The following SPATA13 variants were observed in gnomAD, a reference collection of about 807,000 sequenced individuals.
SPATA13 encodes spermatogenesis associated 13.
A neutral mutation model predicts 104.0 loss-of-function variants in SPATA13; 50 were observed. That is an observed-to-expected ratio of 0.48 (90% CI 0.38 to 0.61). The LOEUF (loss-of-function observed/expected upper bound fraction) is 0.61. Among genes scored for constraint, SPATA13 ranks in the 20% least tolerant of loss-of-function variants. The pLI is 0.00. For synonymous variants in SPATA13, 606 were observed against 667.5 expected, an observed-to-expected ratio of 0.91 and a Z score of 1.42; for missense variants, 1,524 against 1,690.6, an observed-to-expected ratio of 0.90 and a Z score of 1.73.
intron 1 of SPATA13, among the ~76,000 whole-genome samples, chr13:24,204,151 C>G (rs1035624815): frequency 6.6e-6 from 1 of 152,286 alleles, no homozygotes; most frequent in Non-Finnish European, 1.5e-5. Flanking sequence ...CATGTACTCA[C>G]AGCCAGAGGC....
intron 3 of SPATA13, among the ~76,000 whole-genome samples, chr13:24,071,613 G>A (rs954009713): frequency 4.6e-5 from 7 of 152,206 alleles, no homozygotes; most frequent in African/African-American, 7.2e-5. Flanking sequence ...GTAGTATGGA[G>A]CTTGTTCCTT....
At chr13:24,012,144 G>A (rs1354230310) in intron 2 of SPATA13, among the ~76,000 whole-genome samples, 1 of 152,226 alleles carries the variant, frequency 6.6e-6, no homozygotes, top group Admixed American at 6.5e-5. Context: ...TGTGTAACCA[G>A]CCTATGATGA....
chr13:24,167,658 C>A (rs1242907013), intron 1 of SPATA13, among the ~76,000 whole-genome samples: 2 of 152,180 alleles, frequency 1.3e-5, no homozygotes, highest in African/African-American at 4.8e-5. Context: ...CAGTTGTACC[C>A]AAGTGCCAGT....
Position 24,223,178 on chromosome 13 carries a change from G to C in SPATA13, c.249G>C (p.Thr83=). The change falls in exon 2 of 13, where the codon ACG becomes ACC. Residue 83 remains threonine, a synonymous_variant. Coordinates refer to ENST00000382108, the MANE Select transcript of SPATA13 (RefSeq NM_001166271.3). The part of the protein sequence containing the change: ...VRLFSTSRKR[T]GAHPERPHSM... ...TCTTTTCCACCAGTCGGAAGAGGAC[G>C]GGTGCCCACCCCGAGCGGCCCCACT... 6.4e-7 allele frequency: 1 copy of C among 1,551,678 alleles called. No homozygotes were observed. The highest frequency in any genetic ancestry group is 1.2e-5 in the South Asian group (1 of 84,062).
intron 1 of SPATA13, among the ~76,000 whole-genome samples, chr13:24,208,849 A>G (rs1870857337): frequency 6.6e-6 from 1 of 152,226 alleles, no homozygotes; most frequent in Non-Finnish European, 1.5e-5. Context: ...TTTGAAGTCA[A>G]GTGAGAGTCT....
intron 3 of SPATA13, among the ~76,000 whole-genome samples, chr13:24,031,979 T>C (rs1474030144): frequency 6.6e-6 from 1 of 152,234 alleles, no homozygotes; most frequent in African/African-American, 2.4e-5. Flanking sequence ...AATGATTCTT[T>C]TGCTTGGCCA....
intron 2 of SPATA13, among the ~76,000 whole-genome samples, chr13:24,231,421 A>G (rs1470631090): frequency 6.6e-6 from 1 of 152,202 alleles, no homozygotes; most frequent in Non-Finnish European, 1.5e-5. Context: ...TCCATAGAGC[A>G]TGATCAGTGC....
At chr13:24,093,384 T>C (rs1879970365) in intron 3 of SPATA13, among the ~76,000 whole-genome samples, 1 of 152,220 alleles carries the variant, frequency 6.6e-6, no homozygotes, top group Admixed American at 6.5e-5. Context: ...TATCACCATT[T>C]GCCATTTTTA....
intron 3 of SPATA13, among the ~76,000 whole-genome samples, chr13:24,113,566 T>A (rs992323107): frequency 6.6e-6 from 1 of 151,774 alleles, no homozygotes; most frequent in Non-Finnish European, 1.5e-5. Context: ...GCATATTATC[T>A]TTTTAAATGA....
intron 3 of SPATA13, among the ~76,000 whole-genome samples, chr13:24,120,537 A>G (rs1386044961): frequency 6.6e-6 from 1 of 152,132 alleles, no homozygotes; most frequent in Non-Finnish European, 1.5e-5. Flanking sequence ...CTCTGGCTAC[A>G]CCACTCACTA....
At chr13:24,122,059 G>A in intron 3 of SPATA13, 1 of 1,567,652 alleles carries the variant, frequency 6.4e-7, no homozygotes, top group Non-Finnish European at 8.8e-7. Flanking sequence ...GAAAGAAAGA[G>A]ATAACTCAAT....
Position 24,254,681 on chromosome 13 carries a change from A to G in SPATA13, c.2164+2819A>G, listed in dbSNP as rs563955797. On this transcript the variant is annotated intron_variant, in intron 4 of 12. Coordinates refer to ENST00000382108, the MANE Select transcript of SPATA13 (RefSeq NM_001166271.3). ...ATTATGAAAAGGCCCCACTGCAATC[A>G]GCTTTCCGCAAGGGGCTGTCTGGTT... 4.6e-5 allele frequency among the ~76,000 whole-genome samples: 7 copies of G among 152,278 alleles called. No individual in the cohort carries two copies. The East Asian group carries it at 1.4e-3, about 29-fold the overall frequency.
chr13:24,106,108 A>G (rs1252760224), intron 3 of SPATA13, among the ~76,000 whole-genome samples: 1 of 152,180 alleles, frequency 6.6e-6, no homozygotes, highest in Non-Finnish European at 1.5e-5. Context: ...ATCATGGCTC[A>G]CTGCAGCCTT....
At chr13:24,155,687 A>G (rs753391478) in intron 3 of SPATA13, among the ~76,000 whole-genome samples, 21 of 152,348 alleles carry the variant, frequency 1.4e-4, no homozygotes, top group Middle Eastern at 3.4e-3. Context: ...CTGTGGTAAA[A>G]TACACATAAG....
At chr13:24,183,510 C>T (rs1276299332) in intron 1 of SPATA13, among the ~76,000 whole-genome samples, 1 of 152,208 alleles carries the variant, frequency 6.6e-6, no homozygotes, top group East Asian at 1.9e-4. Context: ...CTTGTCCAGC[C>T]CACGGCTCAC....
chr13:24,020,071 T>G lies in SPATA13; in HGVS notation c.-112+2370T>G, dbSNP rs1243719872. On this transcript the variant is annotated intron_variant, in intron 3 of 14. Coordinates refer to the SPATA13 transcript ENST00000424834. Reference sequence around the variant, plus strand: ...CAGCTTCTATCTTAGGAAGTCCACCTCAGAGCACCAAGCCTCACCGACAGC... The same window carrying G: ...CAGCTTCTATCTTAGGAAGTCCACCGCAGAGCACCAAGCCTCACCGACAGC... 2.0e-5 allele frequency among the ~76,000 whole-genome samples: 3 copies of G among 152,178 alleles called. No homozygotes were observed. The East Asian group carries it at 5.8e-4, about 29-fold the overall frequency.
chr13:24,050,367 TC>T (rs1878298859), intron 3 of SPATA13, among the ~76,000 whole-genome samples: 1 of 152,172 alleles, frequency 6.6e-6, no homozygotes, highest in Non-Finnish European at 1.5e-5. Flanking sequence ...GAGCCAAATT[TC>T]CCCGCTTGAC....
rs779591912 is a variant in SPATA13, at chr13:24,224,330, C to T, written c.1401C>T (p.Thr467=). 1.1e-4 allele frequency: 169 copies of T among 1,551,624 alleles called. 2 individuals carry two copies. In the Admixed American group the frequency reaches 3.2e-3, roughly 29 times the overall value. Residue 467 remains threonine, a synonymous_variant, in exon 2 of 13, where the codon ACC becomes ACT. Coordinates refer to ENST00000382108, the MANE Select transcript of SPATA13 (RefSeq NM_001166271.3). ...PEQPPTPLRP[T]TPKPQSPQSP... is the part of the protein sequence containing the mutation. Reference sequence around the variant, plus strand: ...AGCCTCCCACCCCTCTAAGGCCCACCACACCCAAGCCCCAGAGCCCTCAGA... The same window carrying T: ...AGCCTCCCACCCCTCTAAGGCCCACTACACCCAAGCCCCAGAGCCCTCAGA...
At chr13:24,074,349 A>C (rs1363728741) in intron 3 of SPATA13, among the ~76,000 whole-genome samples, 1 of 152,182 alleles carries the variant, frequency 6.6e-6, no homozygotes, top group Non-Finnish European at 1.5e-5. Flanking sequence ...TCCTTTTTTA[A>C]GGCTGAATAA....
Sources: gnomAD v4.1 joint callset for allele counts (sites outside exome capture counted in the v4.1 genomes callset) on GRCh38, gnomAD v4.1.1 for gene constraint, MANE v1.5 for transcripts, NCBI Gene and HGNC (gene_info 2026-07-23, HGNC 2026-07-21) for gene names.